DNAH6: variants seen among roughly 807,000 people sequenced by gnomAD.
DNAH6 encodes the protein axonemal beta dynein heavy chain 6.
In DNAH6, 340 loss-of-function variants were observed where a neutral mutation model predicts 491.4. The ratio of observed to expected loss-of-function variants is 0.69; its 90% confidence interval spans 0.63 to 0.76. The LOEUF is 0.76. Ranked by LOEUF, DNAH6 falls within the 30% of genes least tolerant of loss-of-function variation. DNAH6 has a pLI of 0.00. For missense variants in DNAH6, 4,443 were observed against 4,972.2 expected (o/e 0.89, Z 3.20); for synonymous variants, 1,603 against 1,686.1 (o/e 0.95, Z 1.21).
At chr2:84,518,265 A>T (rs1675782120) in intron 2 of DNAH6, among the ~76,000 whole-genome samples, 1 of 152,230 alleles carries the variant, frequency 6.6e-6, no homozygotes, top group Non-Finnish European at 1.5e-5. Flanking sequence ...TACAGTGGTG[A>T]ACAAAGTTTT....
At chr2:84,475,148 AGACT>A in the DNAH6 span, among the ~76,000 whole-genome samples, 1 of 152,216 alleles carries the variant, frequency 6.6e-6, no homozygotes, top group Non-Finnish European at 1.5e-5. Flanking sequence ...TCCAAGTAAT[AGACT>A]GACTGTTCCT....
intron 63 of DNAH6, among the ~76,000 whole-genome samples, chr2:84,755,750 A>G (rs1246221148): frequency 1.3e-5 from 2 of 152,174 alleles, no homozygotes; most frequent in African/African-American, 4.8e-5. Flanking sequence ...TCAGTCTTTC[A>G]TCATTAACCA....
At chr2:84,710,461 A>G in intron 56 of DNAH6, 49 bp downstream of exon 56, 6 of 1,537,682 alleles carry the variant, frequency 3.9e-6, no homozygotes, top group South Asian at 3.6e-5. Context: ...CTTTCAAATC[A>G]TATCTGGAAT....
chr2:84,808,309 A>C, intron 71 of DNAH6, 106 bp from the exon 72 acceptor site: 1 of 1,281,480 alleles, frequency 7.8e-7, no homozygotes, highest in Admixed American at 3.4e-5. Context: ...TTAAACAATG[A>C]GAGAAGCTGG....
At chr2:84,644,956 C>T (rs535322400) in intron 33 of DNAH6, among the ~76,000 whole-genome samples, 2 of 152,254 alleles carry the variant, frequency 1.3e-5, no homozygotes, top group African/African-American at 4.8e-5. Context: ...AGTATATACC[C>T]AGTAATGGGA....
chr2:84,618,923 G>A (rs955559738), intron 23 of DNAH6, among the ~76,000 whole-genome samples: 3 of 152,124 alleles, frequency 2.0e-5, no homozygotes, highest in African/African-American at 7.2e-5. Context: ...CAGACAGTAC[G>A]TCTGCATGGC....
At chr2:84,726,723 T>C (rs1698670575) in intron 60 of DNAH6, among the ~76,000 whole-genome samples, 1 of 151,922 alleles carries the variant, frequency 6.6e-6, no homozygotes, top group Admixed American at 6.6e-5. Flanking sequence ...TGTATACATA[T>C]GTAACAAACC....
chr2:84,767,082 C>A (rs768223564), intron 64 of DNAH6, among the ~76,000 whole-genome samples: 1 of 151,958 alleles, frequency 6.6e-6, no homozygotes, highest in East Asian at 1.9e-4. Context: ...TGTTTAAAAA[C>A]CAAGAAAAAC....
chr2:84,787,167 A>G lies in DNAH6; in HGVS notation c.11104A>G (p.Arg3702Gly). ...ICFFHAIIQE[R>G]KKFGPLGWNI... ...TCATTTTCATTTTTCATTTTAGGAGAGAAAGAAGTTTGGCCCCCTTGGTTG... is the reference window on the plus strand; with the variant it reads ...TCATTTTCATTTTTCATTTTAGGAGGGAAAGAAGTTTGGCCCCCTTGGTTG... Residue 3702 changes from arginine (R) to glycine (G), a missense_variant, in exon 68 of 77, where the codon AGA becomes GGA. Physicochemically the swap from Arg to Gly is moderately radical, Grantham distance 125. Around this residue, in one of 3 missense-constraint regions of DNAH6, gnomAD observed 1,463 missense variants for 1,656.6 expected, o/e 0.88. Coordinates refer to ENST00000389394, the MANE Select transcript of DNAH6 (RefSeq NM_001370.2). 1 of 1,501,554 alleles carries G rather than the reference A, an allele frequency of 6.7e-7. No homozygotes were observed. The highest frequency in any genetic ancestry group is 8.9e-7 in the Non-Finnish European group (1 of 1,123,798). 93.0% of individuals were successfully genotyped at this position (1,501,554 alleles called of 1,614,324 possible).
chr2:84,786,978 G>A lies in DNAH6; in HGVS notation c.11101-186G>A, dbSNP rs563390608. ...CTTTTGGAAATATGGGGAGGAGCCA[G>A]TATTGAAGGAAGAGGTGCTTTCTCT... On this transcript the variant is annotated intron_variant, in intron 67 of 76. Transcript: ENST00000389394. Among the ~76,000 whole-genome samples, 8 of 152,338 alleles carry A rather than the reference G, an allele frequency of 5.3e-5. 1 individual carries two copies. The South Asian group carries it at 1.7e-3, about 32-fold the overall frequency.
At chr2:84,485,986 C>G in the DNAH6 span, among the ~76,000 whole-genome samples, 9 of 151,918 alleles carry the variant, frequency 5.9e-5, no homozygotes, top group Admixed American at 1.3e-4. Flanking sequence ...TGATGTGTCC[C>G]CATGTTCAAA....
At chr2:84,792,609 C>A (rs1677875710) in intron 68 of DNAH6, among the ~76,000 whole-genome samples, 1 of 152,038 alleles carries the variant, frequency 6.6e-6, no homozygotes, top group Non-Finnish European at 1.5e-5. Flanking sequence ...ACTAGAGAAA[C>A]AGTTAGTAGC....
chr2:84,723,736 C>T (rs1387278231), intron 60 of DNAH6, among the ~76,000 whole-genome samples: 1 of 152,206 alleles, frequency 6.6e-6, no homozygotes, highest in African/African-American at 2.4e-5. Context: ...GACTATGAGA[C>T]TCTCTTGTTT....
At chr2:84,713,356 T>C (rs556239725) in intron 57 of DNAH6, 97 bp downstream of exon 57, 15 of 1,155,300 alleles carry the variant, frequency 1.3e-5, no homozygotes, top group Admixed American at 5.0e-5. Context: ...GGGAAAGTGC[T>C]CCCCCATTCT....
At chr2:84,745,578 A>T (rs1242751582) in intron 63 of DNAH6, among the ~76,000 whole-genome samples, 3 of 151,378 alleles carry the variant, frequency 2.0e-5, no homozygotes, top group African/African-American at 7.3e-5. Context: ...AGGCAGGAGA[A>T]TGGCATGAAC....
Position 84,653,539 on chromosome 2 carries a change from G to A in DNAH6, c.5299G>A (p.Ala1767Thr), listed in dbSNP as rs1301144955. 1.5e-5 allele frequency: 24 copies of A among 1,551,208 alleles called. No individual in the cohort carries two copies. The highest frequency in any genetic ancestry group is 2.1e-5 in the Non-Finnish European group (24 of 1,146,752). The change falls in exon 34 of 77, where the codon GCA becomes ACA. Residue 1767 changes from alanine (A) to threonine (T), a missense_variant. This residue lies in a region of DNAH6 where 2,977 missense variants were observed against 3,296.6 expected (regional missense o/e 0.90). Transcript: ENST00000389394. ...CAAGACCACAGTTTACCGAATACTAGCAGAAACTTTAGGGAATTTACAAAA... is the reference window on the plus strand; with the variant it reads ...CAAGACCACAGTTTACCGAATACTAACAGAAACTTTAGGGAATTTACAAAA... Reference protein sequence around the residue: ...GGKTTVYRILAETLGNLQKLG... With the variant: ...GGKTTVYRILTETLGNLQKLG...
chr2:84,463,594 T>C, the DNAH6 span, among the ~76,000 whole-genome samples: 1 of 152,150 alleles, frequency 6.6e-6, no homozygotes, highest in African/African-American at 2.4e-5. Context: ...ATATATCCCT[T>C]CCCCCTACCC....
At chr2:84,600,229 T>C (rs1685083507) in intron 18 of DNAH6, among the ~76,000 whole-genome samples, 1 of 152,220 alleles carries the variant, frequency 6.6e-6, no homozygotes, top group East Asian at 1.9e-4. Flanking sequence ...TTTAATATAC[T>C]TTTATTTCAG....
chr2:84,792,222 G>T (rs1442291399), intron 68 of DNAH6, among the ~76,000 whole-genome samples: 1 of 152,194 alleles, frequency 6.6e-6, no homozygotes, highest in Non-Finnish European at 1.5e-5. Flanking sequence ...TCACAGGATA[G>T]AAGGAGGAGG....
Sources: gnomAD v4.1 joint callset for allele counts (sites outside exome capture counted in the v4.1 genomes callset) on GRCh38, gnomAD v4.1.1 for gene constraint, gnomAD v4.1.1 regional missense constraint, MANE v1.5 for transcripts, NCBI Gene and HGNC (gene_info 2026-07-23, HGNC 2026-07-21) for gene names.